Variants in SMURF2 observed in about 807,000 individuals in gnomAD.
The protein encoded by SMURF2 is SMAD specific E3 ubiquitin protein ligase 2.
Under a neutral mutation model 109.6 loss-of-function variants are expected in SMURF2, and 48 were observed. That is an observed-to-expected ratio of 0.44 (90% CI 0.35 to 0.56). The LOEUF is 0.56. SMURF2 is among the 20% of genes least tolerant of loss of function. The pLI, the probability that SMURF2 is intolerant of heterozygous loss-of-function variation, is 0.01. For missense variants in SMURF2, 575 were observed against 909.0 expected (o/e 0.63, Z 4.72); for synonymous variants, 288 against 317.1 (o/e 0.91, Z 0.97).
intron 1 of SMURF2, among the ~76,000 whole-genome samples, chr17:64,639,841 C>T (rs1970470989): frequency 1.3e-5 from 2 of 152,160 alleles, no homozygotes; most frequent in South Asian, 4.1e-4. Flanking sequence ...AAATGAAACA[C>T]ACACACAATC....
chr17:64,573,859 T>C (rs1007268947), intron 9 of SMURF2, among the ~76,000 whole-genome samples: 5 of 152,186 alleles, frequency 3.3e-5, no homozygotes, highest in African/African-American at 1.2e-4. Flanking sequence ...ACATTATCCT[T>C]AGCAAACTAA....
chr17:64,572,783 T>C (rs976742479), intron 9 of SMURF2: 2 of 152,208 alleles, frequency 1.3e-5, no homozygotes, highest in Non-Finnish European at 2.9e-5. Context: ...TTGCTTCCAT[T>C]TGGCTGTTCC....
intron 10 of SMURF2, among the ~76,000 whole-genome samples, chr17:64,566,933 C>T (rs1239325249): frequency 5.3e-5 from 8 of 150,106 alleles, no homozygotes; most frequent in Admixed American, 6.7e-5. Context: ...TACAGTGGCG[C>T]GATCTCAGCT....
At chr17:64,621,988 A>AATAAT (rs57035569) in intron 1 of SMURF2, among the ~76,000 whole-genome samples, 9,846 of 128,104 alleles carry the variant, frequency 0.077, 1,006 homozygotes, top group African/African-American at 0.24. Flanking sequence ...ATAATAATAA[A>AATAAT]AAAAAGCACT....
intron 1 of SMURF2, among the ~76,000 whole-genome samples, chr17:64,628,506 T>C (rs562883690): frequency 3.0e-4 from 46 of 152,300 alleles, no homozygotes; most frequent in African/African-American, 1.1e-3. Flanking sequence ...TTCATATACA[T>C]GTCTAATAAG....
chr17:64,566,572 T>TTTTTG (rs1969310619), intron 10 of SMURF2, among the ~76,000 whole-genome samples: 3 of 94,052 alleles, frequency 3.2e-5, no homozygotes, highest in Non-Finnish European at 6.9e-5. Context: ...TTTTTTTTTT[T>TTTTTG]TTTTTTTTTT....
intron 4 of SMURF2, among the ~76,000 whole-genome samples, chr17:64,591,354 TGA>T (rs1315423088): frequency 6.6e-6 from 1 of 152,220 alleles, no homozygotes; most frequent in Non-Finnish European, 1.5e-5. Context: ...CACTTTAGTC[TGA>T]GTCTTAATAA....
chr17:64,579,595 C>A (rs1337826746), intron 8 of SMURF2, among the ~76,000 whole-genome samples: 1 of 152,064 alleles, frequency 6.6e-6, no homozygotes, highest in Non-Finnish European at 1.5e-5. Context: ...AAGAGCTTGC[C>A]TTATAATCTC....
At chr17:64,585,441 T>C (rs1375231232) in intron 6 of SMURF2, among the ~76,000 whole-genome samples, 47 of 152,346 alleles carry the variant, frequency 3.1e-4, no homozygotes, top group Admixed American at 2.7e-3. Flanking sequence ...CATTTGATCC[T>C]CTCAACAGTT....
At chr17:64,584,286 C>T (rs1969617104) in intron 6 of SMURF2, among the ~76,000 whole-genome samples, 1 of 147,860 alleles carries the variant, frequency 6.8e-6, no homozygotes, top group Non-Finnish European at 1.5e-5. Context: ...CCACTGCACT[C>T]CAGCCAGGGT....
intron 1 of SMURF2, among the ~76,000 whole-genome samples, chr17:64,657,085 G>C (rs1274639275): frequency 6.6e-6 from 1 of 152,060 alleles, no homozygotes; most frequent in African/African-American, 2.4e-5. Context: ...ATGCCAAAAA[G>C]GTCTTAATCC....
rs549272203 is a variant in SMURF2, at chr17:64,642,220, G to A, written c.52+19609C>T. Among the ~76,000 whole-genome samples, 17 of 152,298 alleles carry A rather than the reference G, an allele frequency of 1.1e-4. No individual in the cohort carries two copies. The South Asian group carries it at 3.3e-3, about 30-fold the overall frequency. ...ATTTGTTTGGCTAGCAATGCAGGTC[G>A]ATTTTCCAGCTTCCAAGTATCTAAG... On this transcript the variant is annotated intron_variant, in intron 1 of 18. Transcript: ENST00000262435.
At chr17:64,619,419 C>T (rs377692491) in intron 1 of SMURF2, among the ~76,000 whole-genome samples, 44 of 140,310 alleles carry the variant, frequency 3.1e-4, no homozygotes, top group African/African-American at 1.1e-3. Context: ...CAGAGCCTCC[C>T]GTGAGCCGAG....
chr17:64,608,132 T>G (rs1969998156), intron 1 of SMURF2, among the ~76,000 whole-genome samples: 1 of 151,994 alleles, frequency 6.6e-6, no homozygotes. Context: ...TATATGTAAA[T>G]TTTAGTTCAT....
chr17:64,587,524 G>C (rs1290661730), intron 5 of SMURF2, among the ~76,000 whole-genome samples: 2 of 152,202 alleles, frequency 1.3e-5, no homozygotes, highest in African/African-American at 4.8e-5. Flanking sequence ...TCTCCCAAAA[G>C]ACAGAAGGAG....
chr17:64,579,496 G>A (rs1472568744), intron 8 of SMURF2, among the ~76,000 whole-genome samples: 2 of 151,930 alleles, frequency 1.3e-5, no homozygotes, highest in East Asian at 3.9e-4. Context: ...CTTCAGCCTT[G>A]GTATCCACTT....
At chr17:64,605,065 A>T (rs74367410) in intron 2 of SMURF2, among the ~76,000 whole-genome samples, 2,367 of 144,890 alleles carry the variant, frequency 0.016, 31 homozygotes, top group Non-Finnish European at 0.026. Flanking sequence ...ATCAAAGGTT[A>T]AAAAAAAAAA....
intron 2 of SMURF2, among the ~76,000 whole-genome samples, chr17:64,604,781 TA>T (rs1969946522): frequency 6.6e-6 from 1 of 151,870 alleles, no homozygotes; most frequent in Admixed American, 6.6e-5. Flanking sequence ...CCGTCTCTAC[TA>T]AAAATACAAA....
At position 64,655,035 on chromosome 17, in the gene SMURF2, T is replaced by C. The variant is rs984685908; in HGVS notation, c.52+6794A>G. On this transcript the variant is annotated intron_variant, in intron 1 of 18. Transcript: ENST00000262435. ...TGCATTCCTAAATACAAGCAATAAC[T>C]AGGATTAGAAAACACAACGTAAATC... 1.4e-4 allele frequency among the ~76,000 whole-genome samples: 21 copies of C among 151,810 alleles called. 1 individual carries two copies. The highest frequency in any genetic ancestry group is 4.8e-4 in the African/African-American group (20 of 41,326).
Sources: gnomAD v4.1 joint callset for allele counts (sites outside exome capture counted in the v4.1 genomes callset) on GRCh38, gnomAD v4.1.1 for gene constraint, MANE v1.5 for transcripts, NCBI Gene and HGNC (gene_info 2026-07-23, HGNC 2026-07-21) for gene names.